Variants in RORA observed in about 807,000 individuals in gnomAD.
The protein encoded by RORA is RAR related orphan receptor A.
In RORA, 7 loss-of-function variants were observed where a neutral mutation model predicts 69.5. The observed-to-expected ratio is 0.10, with a 90% CI of 0.06 to 0.19. RORA has a LOEUF of 0.19. Among genes scored for constraint, RORA ranks in the 10% least tolerant of loss-of-function variants. The pLI is 1.00. For missense variants in RORA, 457 were observed against 663.0 expected, an observed-to-expected ratio of 0.69 and a Z score of 3.41; for synonymous variants, 261 against 240.8, an observed-to-expected ratio of 1.08 and a Z score of -0.78.
At chr15:60,736,834 G>A (rs993942826) in intron 1 of RORA, 3 of 152,198 alleles carry the variant, frequency 2.0e-5, no homozygotes, top group Non-Finnish European at 2.9e-5. Flanking sequence ...GCAGAGCCGA[G>A]CCTGGTTAGT....
intron 1 of RORA, among the ~76,000 whole-genome samples, chr15:60,827,060 C>T (rs1311178877): frequency 2.6e-5 from 4 of 152,120 alleles, no homozygotes; most frequent in African/African-American, 7.2e-5. Flanking sequence ...ATATTAACGC[C>T]ATTTCTACAT....
At chr15:60,682,859 G>C (rs1323794861) in intron 1 of RORA, among the ~76,000 whole-genome samples, 1 of 152,222 alleles carries the variant, frequency 6.6e-6, no homozygotes, top group Non-Finnish European at 1.5e-5. Context: ...ATAGGGACTT[G>C]ATAGAATTGT....
In RORA at chr15:60,501,384, G is replaced by A. The variant is rs187615653; in HGVS notation, c.1184-315C>T. On this transcript the variant is annotated intron_variant, in intron 8 of 10. Transcript: ENST00000335670. ...TTTTGTTGTGTGACTACTGTGGCAA[G>A]TATTGCTCTAAGGTATTTCTTTGGG... Among the ~76,000 whole-genome samples, 90 of 152,308 alleles carry A rather than the reference G, an allele frequency of 5.9e-4. 1 individual carries two copies. Among genetic ancestry groups the A allele is most frequent in the Non-Finnish European group, 9.3e-4 (63 of 68,030 alleles).
At chr15:60,529,390 G>A (rs1197246732) in intron 3 of RORA, 1 of 152,156 alleles carries the variant, frequency 6.6e-6, no homozygotes, top group Non-Finnish European at 1.5e-5. Context: ...GAATAAAAGT[G>A]TTAGTTATAG....
intron 1 of RORA, among the ~76,000 whole-genome samples, chr15:60,777,567 T>C (rs2072188192): frequency 6.6e-6 from 1 of 152,216 alleles, no homozygotes; most frequent in African/African-American, 2.4e-5. Context: ...CTAAATGTGA[T>C]CATTTCTGCG....
intron 1 of RORA, among the ~76,000 whole-genome samples, chr15:61,189,003 C>T (rs1467176295): frequency 1.3e-5 from 2 of 152,182 alleles, no homozygotes; most frequent in Non-Finnish European, 2.9e-5. Flanking sequence ...TACCAACCCA[C>T]TCTCAGATTT....
chr15:61,021,181 G>C (rs890031568), intron 1 of RORA, among the ~76,000 whole-genome samples: 1 of 152,118 alleles, frequency 6.6e-6, no homozygotes, highest in Non-Finnish European at 1.5e-5. Context: ...CCTCCTCAAC[G>C]CCCCCTCTCT....
intron 1 of RORA, among the ~76,000 whole-genome samples, chr15:60,748,001 C>T (rs971394931): frequency 7.9e-5 from 12 of 152,262 alleles, no homozygotes; most frequent in East Asian, 7.7e-4. Context: ...TAAAATGTTG[C>T]AAATGGCCAA....
At chr15:60,503,143 A>G (rs1290020328) in intron 7 of RORA, among the ~76,000 whole-genome samples, 1 of 152,218 alleles carries the variant, frequency 6.6e-6, no homozygotes. Context: ...CGCAATGCAG[A>G]GTCTCAGAGT....
At chr15:60,804,078 C>T (rs1037483685) in intron 1 of RORA, among the ~76,000 whole-genome samples, 1 of 151,982 alleles carries the variant, frequency 6.6e-6, no homozygotes, top group Non-Finnish European at 1.5e-5. Context: ...CACCTGAGGT[C>T]GGGAGTTCGA....
intron 1 of RORA, among the ~76,000 whole-genome samples, chr15:61,005,805 T>A (rs552620899): frequency 4.6e-5 from 7 of 152,266 alleles, no homozygotes; most frequent in Admixed American, 1.3e-4. Context: ...GTCTAAACTA[T>A]ATAAACTTCC....
chr15:60,970,373 T>C (rs909497729), intron 1 of RORA, among the ~76,000 whole-genome samples: 3 of 152,192 alleles, frequency 2.0e-5, no homozygotes, highest in Non-Finnish European at 4.4e-5. Flanking sequence ...CATTCCCACT[T>C]CTCTGCCTTT....
chr15:61,011,078 C>A (rs1895071756), intron 1 of RORA, among the ~76,000 whole-genome samples: 1 of 152,230 alleles, frequency 6.6e-6, no homozygotes, highest in Non-Finnish European at 1.5e-5. Context: ...TAAGCAAAGG[C>A]AGAGGTAGGA....
chr15:60,614,564 A>G (rs1376141639), intron 2 of RORA, among the ~76,000 whole-genome samples: 1 of 152,214 alleles, frequency 6.6e-6, no homozygotes, highest in Non-Finnish European at 1.5e-5. Context: ...TTTGGAATGC[A>G]GTTCACGGAC....
intron 1 of RORA, among the ~76,000 whole-genome samples, chr15:61,224,986 C>T (rs1567044743): frequency 2.0e-5 from 3 of 152,092 alleles, no homozygotes; most frequent in Non-Finnish European, 4.4e-5. Context: ...TTGGAAAATT[C>T]CAGCAGGTGA....
chr15:60,856,447 G>C (rs2073380677), intron 1 of RORA, among the ~76,000 whole-genome samples: 1 of 151,702 alleles, frequency 6.6e-6, no homozygotes, highest in Non-Finnish European at 1.5e-5. Context: ...AATCTCTTGG[G>C]GTGAAGAGGT....
At chr15:61,027,614 C>T (rs893085566) in intron 1 of RORA, among the ~76,000 whole-genome samples, 2 of 152,152 alleles carry the variant, frequency 1.3e-5, no homozygotes, top group African/African-American at 2.4e-5. Context: ...TGGGCCACGT[C>T]CTCTGCTCTG....
chr15:60,981,025 A>G (rs1408977331), intron 1 of RORA, among the ~76,000 whole-genome samples: 1 of 150,810 alleles, frequency 6.6e-6, no homozygotes, highest in Non-Finnish European at 1.5e-5. Context: ...ATTTTTATTT[A>G]TTTGGAGGTT....
intron 2 of RORA, among the ~76,000 whole-genome samples, chr15:60,577,725 C>T (rs1199475062): frequency 1.3e-5 from 2 of 150,290 alleles, no homozygotes; most frequent in African/African-American, 4.9e-5. Flanking sequence ...GAAGTTAAAA[C>T]TGGGAACATT....
Sources: gnomAD v4.1 joint callset for allele counts (sites outside exome capture counted in the v4.1 genomes callset) on GRCh38, gnomAD v4.1.1 for gene constraint, MANE v1.5 for transcripts, NCBI Gene and HGNC (gene_info 2026-07-23, HGNC 2026-07-21) for gene names.